Variants in BBS1 observed in about 807,000 individuals in gnomAD.
BBS1 encodes the protein Bardet-Biedl syndrome 1.
In BBS1, 60 loss-of-function variants were observed where a neutral mutation model predicts 73.9. The ratio of observed to expected loss-of-function variants is 0.81; its 90% CI spans 0.66 to 1.01. The LOEUF is 1.01. Among genes scored for constraint, BBS1 ranks in the 50% least tolerant of loss-of-function variants. The pLI is 0.00. For missense variants in BBS1, 718 were observed against 770.3 expected, an observed-to-expected ratio of 0.93 and a Z score of 0.80; for synonymous variants, 283 against 317.4, an observed-to-expected ratio of 0.89 and a Z score of 1.15.
chr11:66,514,430 G>T lies in BBS1; in HGVS notation c.184G>T (p.Gly62Cys). The change falls in exon 4 of 17, where the codon GGT becomes TGT. Residue 62 changes from glycine (G) to cysteine (C), a missense_variant. By Grantham distance (159) the Gly-to-Cys change is radical. Coordinates refer to ENST00000318312, the MANE Select transcript of BBS1 (RefSeq NM_024649.5). ...YKLVVGDLGP[G>C]GQQPRLKVLK... ...GCTGGTGGTAGGGGACCTTGGCCCT[G>T]GTGGGCAGCAGCCCCGCCTGAAGGT... 6.2e-7 allele frequency: 1 copy of T among 1,614,122 alleles called. No homozygotes were observed. The highest frequency in any genetic ancestry group is 8.5e-7 in the Non-Finnish European group (1 of 1,180,032).
intron 14 of BBS1, 51 bp downstream of exon 14, chr11:66,530,003 A>C: frequency 6.4e-7 from 1 of 1,562,968 alleles, no homozygotes; most frequent in East Asian, 2.4e-5. Flanking sequence ...AGAGGCCAGG[A>C]TGCGCAGGAA....
intron 4 of BBS1, 141 bp downstream of exon 4, chr11:66,514,819 C>CTTTT: frequency 6.9e-6 from 5 of 722,068 alleles, no homozygotes; most frequent in Non-Finnish European, 1.1e-5. Flanking sequence ...AGTGATGGCA[C>CTTTT]TTTTTTTTTT....
At chr11:66,531,505 A>T in intron 15 of BBS1, 151 bp from the exon 16 acceptor site, 1 of 1,027,104 alleles carries the variant, frequency 9.7e-7, no homozygotes, top group Non-Finnish European at 1.5e-6. Context: ...TCACTTCCCC[A>T]CCACACCTGC....
At chr11:66,529,413 C>CA in intron 13 of BBS1, 1 of 1,061,994 alleles carries the variant, frequency 9.4e-7, no homozygotes, top group Non-Finnish European at 1.4e-6. Flanking sequence ...CTGCTGGAGA[C>CA]ACATGCACAA....
At chr11:66,513,202 C>T (rs754646906) in intron 3 of BBS1, among the ~76,000 whole-genome samples, 1 of 150,722 alleles carries the variant, frequency 6.6e-6, no homozygotes, top group African/African-American at 2.4e-5. Flanking sequence ...AATGTGTGAA[C>T]TGGGCATTGA....
At chr11:66,516,004 G>A (rs1856041425) in intron 7 of BBS1, 71 bp downstream of exon 7, 2 of 1,494,992 alleles carry the variant, frequency 1.3e-6, no homozygotes, top group Non-Finnish European at 9.3e-7. Flanking sequence ...CTTAACATCA[G>A]TGGTAAATTC....
intron 7 of BBS1, among the ~76,000 whole-genome samples, chr11:66,516,509 C>A (rs193064450): frequency 5.9e-5 from 9 of 152,074 alleles, no homozygotes; most frequent in Admixed American, 1.3e-4. Flanking sequence ...TGTAAGCTTT[C>A]GCCTTCCATT....
At chr11:66,512,300 CTGTT>C (rs1464523546) in intron 3 of BBS1, among the ~76,000 whole-genome samples, 1 of 152,018 alleles carries the variant, frequency 6.6e-6, no homozygotes, top group Non-Finnish European at 1.5e-5. Flanking sequence ...GTAACTGGGT[CTGTT>C]TGATTCCAAG....
intron 9 of BBS1, chr11:66,522,916 C>A: frequency 2.9e-6 from 1 of 347,442 alleles, no homozygotes; most frequent in Non-Finnish European, 5.6e-6. Flanking sequence ...AAAAAGGAAC[C>A]AGTTGGTGAG....
chr11:66,521,339 G>T lies in BBS1; in HGVS notation c.793G>T (p.Ala265Ser), dbSNP rs569184861. 1.9e-6 allele frequency: 3 copies of T among 1,614,192 alleles called. No homozygotes were observed. The highest frequency in any genetic ancestry group is 3.3e-5 in the Admixed American group (2 of 60,028). The change falls in exon 9 of 17, where the codon GCG (alanine) becomes TCG (serine). Residue 265 changes from alanine to serine, a missense_variant. Transcript: ENST00000318312. ...GQFDVEFRLA[A>S]ACRNGNIYIL... ...GTTTGATGTTGAGTTCCGGCTTGCC[G>T]CGGCCTGCCGCAATGGAAACATCTA... is the stretch of plus-strand genomic sequence containing the variant.
chr11:66,523,023 G>T, intron 9 of BBS1: 1 of 393,170 alleles, frequency 2.5e-6, no homozygotes, highest in Non-Finnish European at 5.0e-6. Context: ...TCTGGAAAGG[G>T]AAACTAAAAT....
In BBS1 at chr11:66,531,649, A is replaced by G; in HGVS notation, c.1609-7A>G. The stretch of plus-strand genomic sequence containing the variant: ...TGGTTTCCTTACTTCTTTGTCCCCA[A>G]ACTTAGGTACCCTTGCTGGTGCCAG... On this transcript the variant is annotated splice_polypyrimidine_tract_variant and splice_region_variant and intron_variant, in intron 15 of 16. Coordinates refer to ENST00000318312, the MANE Select transcript of BBS1 (RefSeq NM_024649.5). 3 of 1,613,960 alleles carry G rather than the reference A, an allele frequency of 1.9e-6. No individual in the cohort carries two copies. Among genetic ancestry groups the G allele is most frequent in the African/African-American group, 2.7e-5 (2 of 74,990 alleles).
chr11:66,525,363 C>CA (rs1253574957), intron 11 of BBS1, among the ~76,000 whole-genome samples: 5 of 150,700 alleles, frequency 3.3e-5, no homozygotes, highest in South Asian at 2.1e-4. Context: ...TGTCTCAAAA[C>CA]AAAAAAACAA....
At position 66,523,483 on chromosome 11, in the gene BBS1, C is replaced by T. The variant is rs746775716; in HGVS notation, c.858C>T (p.Ile286=). Residue 286 remains isoleucine, a synonymous_variant, in exon 10 of 17, where the codon ATC becomes ATT. Transcript: ENST00000318312. ...RRDSKHPKYC[I]ELSAQPVGLI... is the part of the protein sequence containing the mutation. The stretch of plus-strand genomic sequence containing the variant: ...ACTCCAAGCACCCCAAGTACTGCAT[C>T]GAGCTGAGCGCCCAGCCTGTGGGAC... 105 of 1,613,984 alleles carry T rather than the reference C, an allele frequency of 6.5e-5. No individual in the cohort carries two copies. The highest frequency in any genetic ancestry group is 8.0e-5 in the Non-Finnish European group (94 of 1,180,008).
chr11:66,511,994 T>C (rs1855957352), intron 3 of BBS1, among the ~76,000 whole-genome samples: 1 of 137,038 alleles, frequency 7.3e-6, no homozygotes, highest in Admixed American at 7.2e-5. Context: ...TGAGACAGTT[T>C]CAAAAAAAAA....
At chr11:66,530,736 G>A (rs1196092350) in intron 14 of BBS1, among the ~76,000 whole-genome samples, 158 bp from the exon 15 acceptor site, 3 of 152,128 alleles carry the variant, frequency 2.0e-5, no homozygotes, top group Non-Finnish European at 4.4e-5. Flanking sequence ...GGCCTCTTCT[G>A]ATCCCTCTGC....
chr11:66,514,855 G>T (rs1180818530), intron 4 of BBS1, among the ~76,000 whole-genome samples, 177 bp downstream of exon 4: 2 of 150,952 alleles, frequency 1.3e-5, no homozygotes, highest in African/African-American at 2.4e-5. Flanking sequence ...CACTCTTGTT[G>T]CCCAGACTGG....
chr11:66,531,127 C>G, intron 15 of BBS1, 99 bp downstream of exon 15: 2 of 1,511,384 alleles, frequency 1.3e-6, no homozygotes, highest in East Asian at 2.4e-5. Context: ...TCAGAGCGTG[C>G]GGGTGGCTGC....
chr11:66,531,057 AG>A, intron 15 of BBS1, 29 bp downstream of exon 15: 1 of 1,613,698 alleles, frequency 6.2e-7, no homozygotes, highest in East Asian at 2.2e-5. Flanking sequence ...TTAGATATGG[AG>A]TGGGAAAGGC....
Sources: allele counts gnomAD v4.1 joint callset (sites outside exome capture counted in the v4.1 genomes callset), GRCh38; gene constraint gnomAD v4.1.1; transcripts MANE v1.5; gene names NCBI Gene and HGNC (gene_info 2026-07-23, HGNC 2026-07-21).